The following LRP8 variants were observed in gnomAD, a reference collection of about 807,000 sequenced individuals.
LRP8 encodes the protein LDL receptor related protein 8.
Under a neutral mutation model 111.6 loss-of-function variants are expected in LRP8, and 46 were observed. The observed-to-expected ratio is 0.41, with a 90% CI of 0.33 to 0.53. The LOEUF (loss-of-function observed/expected upper bound fraction) is 0.53, where lower values mean the gene tolerates loss of function less well. Among genes scored for constraint, LRP8 ranks in the 20% least tolerant of loss-of-function variants. The pLI, the probability that LRP8 is intolerant of heterozygous loss-of-function variation, is 0.20. For missense variants in LRP8, 959 were observed against 1,297.4 expected, an observed-to-expected ratio of 0.74 and a Z score of 4.01; for synonymous variants, 464 against 511.2, an observed-to-expected ratio of 0.91 and a Z score of 1.24.
chr1:53,316,754 C>T (rs567728340), intron 2 of LRP8, among the ~76,000 whole-genome samples: 10 of 152,370 alleles, frequency 6.6e-5, no homozygotes, highest in Admixed American at 3.9e-4. Flanking sequence ...AATGGCCACT[C>T]GGCAAGGTGG....
intron 1 of LRP8, 132 bp downstream of exon 1, chr1:53,327,657 C>T: frequency 1.6e-6 from 2 of 1,270,394 alleles, no homozygotes; most frequent in Non-Finnish European, 2.0e-6. Context: ...ATAGCCGCTT[C>T]GCGTGGAGCC....
intron 2 of LRP8, among the ~76,000 whole-genome samples, chr1:53,319,431 G>C (rs927972731): frequency 3.9e-5 from 6 of 152,198 alleles, no homozygotes; most frequent in Non-Finnish European, 8.8e-5. Context: ...CATGGGAACT[G>C]TGTGCACCAC....
Position 53,258,399 on chromosome 1 carries a change from A to T in LRP8, c.2129T>A (p.Ile710Asn). The change falls in exon 14 of 19, where the codon ATC becomes AAC. Residue 710 changes from isoleucine (I) to asparagine (N), a missense_variant. Coordinates refer to ENST00000306052, the MANE Select transcript of LRP8 (RefSeq NM_004631.5). ...TGTGTACTTGGGAGAGTGGCTGGAG[A>T]TCTGAGGAGCAGGAAGGCACAGGTA... ...CEYLCLPAPQ[I>N]SSHSPKYTCA... 1 of 1,613,968 alleles carries T rather than the reference A, an allele frequency of 6.2e-7. No individual in the cohort carries two copies. Among genetic ancestry groups the T allele is most frequent in the Non-Finnish European group, 8.5e-7 (1 of 1,179,962 alleles).
intron 3 of LRP8, among the ~76,000 whole-genome samples, chr1:53,283,749 C>CCACTTA (rs1553183859): frequency 1 from 2 of 2 alleles, 1 homozygote; most frequent in African/African-American, 1. Context: ...CATACCCGGG[C>CCACTTA]CTTACCTACT....
intron 2 of LRP8, among the ~76,000 whole-genome samples, chr1:53,323,322 G>A (rs1386719297): frequency 3.3e-5 from 5 of 152,214 alleles, no homozygotes; most frequent in Non-Finnish European, 5.9e-5. Flanking sequence ...ATAGAGGAAC[G>A]AGGGGCGATG....
At position 53,303,964 on chromosome 1, in the gene LRP8, C is replaced by G. The variant is rs1259836049; in HGVS notation, c.245-14275G>C. Reference sequence around the variant, plus strand: ...TTTCACCCCTCCTTGTTCTTTGGCTCGGTCAGAAAGACTCCCAGGGAAGTG... The same window carrying G: ...TTTCACCCCTCCTTGTTCTTTGGCTGGGTCAGAAAGACTCCCAGGGAAGTG... On this transcript the variant is annotated intron_variant, in intron 2 of 18. Coordinates refer to ENST00000306052, the MANE Select transcript of LRP8 (RefSeq NM_004631.5). The surrounding 1 kb of genome is among the most constrained non-coding windows in gnomAD (Gnocchi z 4.3). 2.0e-5 allele frequency among the ~76,000 whole-genome samples: 3 copies of G among 152,066 alleles called. No individual in the cohort carries two copies. Among genetic ancestry groups the G allele is most frequent in the Admixed American group, 1.3e-4 (2 of 15,256 alleles).
chr1:53,324,692 T>C (rs1654921008), intron 2 of LRP8, among the ~76,000 whole-genome samples: 1 of 152,196 alleles, frequency 6.6e-6, no homozygotes, highest in Admixed American at 6.5e-5. Flanking sequence ...GGAGCTCTCT[T>C]GGCCCACCTG....
At chr1:53,304,078 A>G (rs75089225) in intron 2 of LRP8, among the ~76,000 whole-genome samples, 1 of 152,214 alleles carries the variant, frequency 6.6e-6, no homozygotes, top group African/African-American at 2.4e-5. Context: ...GAAAGGGGCG[A>G]TGAATTCCAA....
At chr1:53,322,053 CGGGTT>C (rs1294816755) in intron 2 of LRP8, among the ~76,000 whole-genome samples, 1 of 152,054 alleles carries the variant, frequency 6.6e-6, no homozygotes, top group Non-Finnish European at 1.5e-5. Flanking sequence ...GCAAGGGGTC[CGGGTT>C]GGCCTGCAAA....
chr1:53,260,345 G>A, intron 13 of LRP8, 119 bp downstream of exon 13: 1 of 865,174 alleles, frequency 1.2e-6, no homozygotes, highest in Non-Finnish European at 1.8e-6. Context: ...AGGGATTGTT[G>A]TTATTATTCC....
At chr1:53,324,773 C>T (rs941608532) in intron 2 of LRP8, among the ~76,000 whole-genome samples, 1 of 152,126 alleles carries the variant, frequency 6.6e-6, no homozygotes, top group Non-Finnish European at 1.5e-5. Flanking sequence ...TGAAACGCAC[C>T]AGGCCTAACA....
At chr1:53,312,043 G>A (rs949539442) in intron 2 of LRP8, among the ~76,000 whole-genome samples, 1 of 152,228 alleles carries the variant, frequency 6.6e-6, no homozygotes, top group African/African-American at 2.4e-5. Flanking sequence ...CTCCACTTGG[G>A]AGGAGTGAGG....
intron 3 of LRP8, among the ~76,000 whole-genome samples, chr1:53,281,846 A>G (rs1331354425): frequency 6.6e-6 from 1 of 152,222 alleles, no homozygotes. Flanking sequence ...ACCTACTATG[A>G]TTATCCACAC....
chr1:53,272,946 A>G (rs1308631015), intron 6 of LRP8, among the ~76,000 whole-genome samples: 1 of 152,210 alleles, frequency 6.6e-6, no homozygotes, highest in African/African-American at 2.4e-5. Context: ...CACTTGATGA[A>G]GTGGCATGTG....
intron 2 of LRP8, among the ~76,000 whole-genome samples, chr1:53,316,186 G>A (rs767434080): frequency 1.3e-5 from 2 of 152,176 alleles, no homozygotes; most frequent in African/African-American, 4.8e-5. Flanking sequence ...CAAGGGACTT[G>A]CCCCGGGGCC....
At position 53,277,170 on chromosome 1, in the gene LRP8, C is replaced by T. The variant is rs982741016; in HGVS notation, c.497-92G>A. 5.0e-5 allele frequency: 67 copies of T among 1,342,510 alleles called. No homozygotes were observed. In the African/African-American group the frequency reaches 9.7e-4, roughly 19 times the overall value. The allele number at this position is 1,342,510 out of a possible 1,614,324, so 83.2% of individuals were successfully genotyped here. A position where few individuals can be genotyped will look rare whatever the true frequency, so the allele number is the denominator to read the frequency against. On this transcript the variant is annotated intron_variant, in intron 4 of 18. Coordinates refer to ENST00000306052, the MANE Select transcript of LRP8 (RefSeq NM_004631.5). ...CCGGCTACAGGGGCTCCGACCCTCA[C>T]CCGGGGGCCAGAACAAGTGCCCTTT...
At chr1:53,248,291 T>C (rs540071550) in intron 18 of LRP8, among the ~76,000 whole-genome samples, 5 of 152,340 alleles carry the variant, frequency 3.3e-5, no homozygotes, top group African/African-American at 9.6e-5. Context: ...CCTCCACCAG[T>C]GTAGATATTT....
At chr1:53,270,017 T>G (rs947918113) in intron 8 of LRP8, among the ~76,000 whole-genome samples, 1 of 151,710 alleles carries the variant, frequency 6.6e-6, no homozygotes, top group African/African-American at 2.4e-5. Context: ...TCTGTGTGGT[T>G]CATATTCTGT....
chr1:53,286,881 A>C (rs1230287799), intron 3 of LRP8, among the ~76,000 whole-genome samples: 1 of 152,234 alleles, frequency 6.6e-6, no homozygotes, highest in East Asian at 1.9e-4. Context: ...TAACACTGCC[A>C]TTTACTCCAG....
Sources: gnomAD v4.1 joint callset for allele counts (sites outside exome capture counted in the v4.1 genomes callset) on GRCh38, gnomAD v4.1.1 for gene constraint, Gnocchi (gnomAD v3.1) non-coding constraint, MANE v1.5 for transcripts, NCBI Gene and HGNC (gene_info 2026-07-23, HGNC 2026-07-21) for gene names.